KIF14: variants seen among roughly 807,000 people sequenced by gnomAD.
KIF14 encodes kinesin family member 14.
A neutral mutation model predicts 176.2 loss-of-function variants in KIF14; 98 were observed. The ratio of observed to expected loss-of-function variants is 0.56; its 90% CI spans 0.47 to 0.66. KIF14 has a LOEUF of 0.66. Ranked by LOEUF, KIF14 falls within the 30% of genes least tolerant of loss-of-function variation. The pLI, the probability that KIF14 is intolerant of heterozygous loss-of-function variation, is 0.00. For synonymous variants in KIF14, 566 were observed against 632.2 expected, an observed-to-expected ratio of 0.90 and a Z score of 1.57; for missense variants, 1,751 against 1,920.4, an observed-to-expected ratio of 0.91 and a Z score of 1.65.
chr1:200,595,730 C>A (rs1659298038), intron 14 of KIF14, among the ~76,000 whole-genome samples: 1 of 151,908 alleles, frequency 6.6e-6, no homozygotes, highest in Non-Finnish European at 1.5e-5. Flanking sequence ...GGGTGGATCA[C>A]CTGAGGTCAG....
intron 18 of KIF14, 92 bp downstream of exon 18, chr1:200,589,125 C>A (rs867515130): frequency 3.0e-6 from 3 of 1,013,658 alleles, no homozygotes; most frequent in Middle Eastern, 5.2e-4. Context: ...GGATTTGGCT[C>A]TCTTCTGTCA....
At chr1:200,604,871 CT>C (rs1165164593) in intron 8 of KIF14, among the ~76,000 whole-genome samples, 14 of 151,918 alleles carry the variant, frequency 9.2e-5, no homozygotes, top group Admixed American at 2.6e-4. Flanking sequence ...TCTAAATACT[CT>C]GCATAATTAC....
chr1:200,618,116 G>T lies in KIF14; in HGVS notation c.608C>A (p.Pro203His), dbSNP rs1292836270. 1 of 1,613,910 alleles carries T rather than the reference G, an allele frequency of 6.2e-7. No homozygotes were observed. The highest frequency in any genetic ancestry group is 8.5e-7 in the Non-Finnish European group (1 of 1,180,038). The change falls in exon 2 of 30, where the codon CCC becomes CAC. Residue 203 changes from proline to histidine, a missense_variant. Pro to His is a moderately conservative substitution (Grantham distance 77, BLOSUM62 -2). Coordinates refer to ENST00000367350, the MANE Select transcript of KIF14 (RefSeq NM_014875.3). ...TGCAACATTTTCATTTGCTCTACTG[G>T]GGGCAGAAAATGTTTCTTTGTATTT... ...DKKYKETFSAPSRANENVALK... is the reference protein window; with the variant it reads ...DKKYKETFSAHSRANENVALK...
At chr1:200,592,914 A>G (rs1261218171) in intron 15 of KIF14, among the ~76,000 whole-genome samples, 1 of 152,190 alleles carries the variant, frequency 6.6e-6, no homozygotes, top group African/African-American at 2.4e-5. Context: ...ATAATTGTAT[A>G]TCTAAACAGA....
chr1:200,557,422 C>G lies in KIF14; in HGVS notation c.4353+1908G>C, dbSNP rs914475225. Among the ~76,000 whole-genome samples, 13 of 152,230 alleles carry G rather than the reference C, an allele frequency of 8.5e-5. No homozygotes were observed. In the East Asian group the frequency reaches 2.5e-3, roughly 29 times the overall value. ...GATTTGCCAGGCACTATATTTTTAGCATTTTCGTATACGTTGTTTCTTCAT... is the reference window on the plus strand; with the variant it reads ...GATTTGCCAGGCACTATATTTTTAGGATTTTCGTATACGTTGTTTCTTCAT... On this transcript the variant is annotated intron_variant, in intron 27 of 29. Coordinates refer to ENST00000367350, the MANE Select transcript of KIF14 (RefSeq NM_014875.3).
intron 22 of KIF14, among the ~76,000 whole-genome samples, chr1:200,571,263 G>A (rs985749004): frequency 3.4e-5 from 5 of 149,104 alleles, no homozygotes; most frequent in East Asian, 2.0e-4. Context: ...TATAATGAGC[G>A]GAGATCATGC....
At chr1:200,581,861 C>G (rs1475360524) in intron 19 of KIF14, among the ~76,000 whole-genome samples, 1 of 151,050 alleles carries the variant, frequency 6.6e-6, no homozygotes, top group Non-Finnish European at 1.5e-5. Context: ...CTTGACCTCC[C>G]CAGGCTCAAG....
rs1657598854 is a variant in KIF14 at position 200,568,619 on chromosome 1, CCA to C, written c.3661+1290_3661+1291del. Among the ~76,000 whole-genome samples the C allele has an allele frequency of 2.0e-5, 3 of 152,124 alleles. No individual in the cohort carries two copies. In the South Asian group the frequency reaches 6.2e-4, roughly 32 times the overall value. On this transcript the variant is annotated intron_variant, in intron 23 of 29. Transcript: ENST00000367350. ...TTATATATGTGTAAATCTGTAAACC[CCA>C]CTTAGCTCAATGTATACAAAATTTC... is the stretch of plus-strand genomic sequence containing the variant.
Position 200,553,123 on chromosome 1 carries a change from T to C in KIF14, c.*265A>G, listed in dbSNP as rs951023214. The C allele has an allele frequency of 7.5e-5, 15 of 199,678 alleles. No homozygotes were observed. Among genetic ancestry groups the C allele is most frequent in the Admixed American group, 5.8e-4 (10 of 17,254 alleles). 12.4% of individuals were successfully genotyped at this position (199,678 alleles called of 1,614,324 possible). A position where few individuals can be genotyped will look rare whatever the true frequency, so the allele number is the denominator to read the frequency against. The stretch of plus-strand genomic sequence containing the variant: ...CATGCCCAGCAAATTTTTGTATTTT[T>C]AGTAGAGACGGGGTTTCGCCATGTT... On this transcript the variant is annotated 3_prime_UTR_variant, in exon 30 of 30. Transcript: ENST00000367350.
Position 200,571,501 on chromosome 1 carries a change from A to G in KIF14, c.3567-1496T>C, listed in dbSNP as rs566604595. Reference sequence around the variant, plus strand: ...TTTCTAAACCCAAACTCCAATTCCTATGTCAATGAAACTAACAGAGCAGTG... The same window carrying G: ...TTTCTAAACCCAAACTCCAATTCCTGTGTCAATGAAACTAACAGAGCAGTG... On this transcript the variant is annotated intron_variant, in intron 22 of 29. Transcript: ENST00000367350. Among the ~76,000 whole-genome samples, 4 of 152,268 alleles carry G rather than the reference A, an allele frequency of 2.6e-5. No homozygotes were observed. The South Asian group carries it at 8.3e-4, about 32-fold the overall frequency.
At chr1:200,601,787 G>T (rs1659638580) in intron 11 of KIF14, 109 bp downstream of exon 11, 3 of 748,426 alleles carry the variant, frequency 4.0e-6, no homozygotes, top group East Asian at 5.2e-5. Context: ...ATTAAAATAG[G>T]TATAGAAAAA....
chr1:200,619,554 T>C (rs748315657), intron 1 of KIF14, among the ~76,000 whole-genome samples: 1 of 152,142 alleles, frequency 6.6e-6, no homozygotes, highest in Non-Finnish European at 1.5e-5. Context: ...GGTTTCACCA[T>C]GTTGGCCAGG....
rs1277662582 is a variant in KIF14, at chr1:200,598,306, A to G, written c.2480T>C (p.Val827Ala). 4.3e-6 allele frequency: 7 copies of G among 1,613,426 alleles called. No homozygotes were observed. Among genetic ancestry groups the G allele is most frequent in the South Asian group, 1.1e-5 (1 of 91,018 alleles). The change falls in exon 14 of 30, where the codon GTT becomes GCT. Residue 827 changes from valine to alanine, a missense_variant. Coordinates refer to ENST00000367350, the MANE Select transcript of KIF14 (RefSeq NM_014875.3). ...LYMIKEGTTT[V>A]GKYKPNSSHD... is the part of the protein sequence containing the mutation. ...GCTTGAGTTTGGTTTATACTTTCCA[A>G]CTGTAGTTGTTCCTTCTTTTATCAT...
At chr1:200,587,675 G>T (rs987101006) in intron 18 of KIF14, among the ~76,000 whole-genome samples, 30 of 152,096 alleles carry the variant, frequency 2.0e-4, no homozygotes, top group African/African-American at 7.0e-4. Context: ...AATTAGCCGG[G>T]CGTAGTGGCA....
intron 4 of KIF14, among the ~76,000 whole-genome samples, chr1:200,612,058 AG>A (rs1480338798): frequency 6.6e-6 from 1 of 151,108 alleles, no homozygotes; most frequent in South Asian, 2.1e-4. Flanking sequence ...GCTGGAGTAC[AG>A]TGGCATGATC....
In KIF14 at chr1:200,603,907, T is replaced by A. The variant is rs1174212671; in HGVS notation, c.1795A>T (p.Ile599Phe). ...EEHDHRITSRINLIDLAGSER... is the reference protein window; with the variant it reads ...EEHDHRITSRFNLIDLAGSER... The stretch of plus-strand genomic sequence containing the variant: ...CTGCCTGCCAGATCTATTAGGTTAA[T>A]TCGACTTGTTATTCTGTGATCGTGT... Residue 599 changes from isoleucine (I) to phenylalanine (F), a missense_variant, in exon 9 of 30, where the codon ATT becomes TTT. Transcript: ENST00000367350. 2 of 1,613,784 alleles carry A rather than the reference T, an allele frequency of 1.2e-6. No homozygotes were observed. The highest frequency in any genetic ancestry group is 3.3e-5 in the Admixed American group (2 of 59,998).
chr1:200,570,587 A>T (rs1657727284), intron 22 of KIF14, among the ~76,000 whole-genome samples: 1 of 152,136 alleles, frequency 6.6e-6, no homozygotes, highest in Non-Finnish European at 1.5e-5. Context: ...GTGGCCTATG[A>T]TGTAAGAGAG....
chr1:200,581,348 T>C lies in KIF14; in HGVS notation c.3242-54A>G, dbSNP rs554976554. The C allele has an allele frequency of 1.4e-5, 13 of 946,014 alleles. No individual in the cohort carries two copies. In the Middle Eastern group the frequency reaches 8.8e-4, roughly 64 times the overall value. The allele number at this position is 946,014 out of a possible 1,614,324, so 58.6% of individuals were successfully genotyped here. A position where few individuals can be genotyped will look rare whatever the true frequency, so the allele number is the denominator to read the frequency against. On this transcript the variant is annotated intron_variant, in intron 19 of 29. Transcript: ENST00000367350. ...AAATACATACATGGACACTAACATA[T>C]ACCATTAGGCAAAACAATTCCTAAA...
rs149712384 is a variant in KIF14, at chr1:200,578,734, T to C, written c.3465+1520A>G. 3.2e-3 allele frequency among the ~76,000 whole-genome samples: 485 copies of C among 152,290 alleles called. 3 individuals are homozygous for C. Among genetic ancestry groups the C allele is most frequent in the African/African-American group, 0.011 (445 of 41,564 alleles). ...ATCAGGAAAAAAGGTATATGATAAA[T>C]ATAAAGGCTTATCAAAATATGTAAA... On this transcript the variant is annotated intron_variant, in intron 21 of 29. Transcript: ENST00000367350.
Sources: allele counts gnomAD v4.1 joint callset (sites outside exome capture counted in the v4.1 genomes callset), GRCh38; gene constraint gnomAD v4.1.1; transcripts MANE v1.5; gene names NCBI Gene and HGNC (gene_info 2026-07-23, HGNC 2026-07-21).